The following USP49 variants were observed in gnomAD, a reference collection of about 807,000 sequenced individuals.
USP49 encodes ubiquitin carboxyl-terminal hydrolase 49.
Under a neutral mutation model 58.6 loss-of-function variants are expected in USP49, and 24 were observed. That is an observed-to-expected ratio of 0.41 (90% CI 0.30 to 0.58). The LOEUF (loss-of-function observed/expected upper bound fraction) is 0.58. Ranked by LOEUF, USP49 falls within the 20% of genes least tolerant of loss-of-function variation. The pLI is 0.30. For missense variants in USP49, 703 were observed against 866.1 expected (o/e 0.81, Z 2.36); for synonymous variants, 408 against 365.1 (o/e 1.12, Z -1.34).
In USP49 at chr6:41,866,223, A is replaced by G. The variant is rs988800511; in HGVS notation, c.-29+5341T>C. Among the ~76,000 whole-genome samples the G allele has an allele frequency of 7.2e-4, 110 of 151,838 alleles. 1 individual carries two copies. The highest frequency in any genetic ancestry group is 2.6e-3 in the African/African-American group (107 of 41,352). On this transcript the variant is annotated intron_variant, in intron 3 of 7. Transcript: ENST00000682992. ...CGTTAGCCACTGCACCCGGCCCTGC[A>G]TGGTGCCTTTTTTAATAATCGAAAT...
intron 2 of USP49, among the ~76,000 whole-genome samples, chr6:41,890,540 T>C (rs78342582): frequency 6.6e-6 from 1 of 152,028 alleles, no homozygotes; most frequent in African/African-American, 2.4e-5. Context: ...TGGTGAAACC[T>C]TGTCTCTACA....
In USP49 at chr6:41,800,063, G is replaced by A. The variant is rs1488360109; in HGVS notation, c.1562-125C>T. The stretch of plus-strand genomic sequence containing the variant: ...CTCAGTATCTGAACCTCAATTTTTT[G>A]GGGGGCGCAATGTGACACTCTTTAT... On this transcript the variant is annotated intron_variant, in intron 5 of 7. Transcript: ENST00000682992. 3 of 789,008 alleles carry A rather than the reference G, an allele frequency of 3.8e-6. No individual in the cohort carries two copies. In the East Asian group the frequency reaches 7.9e-5, roughly 21 times the overall value. The allele number at this position is 789,008 out of a possible 1,614,324, so 48.9% of individuals were successfully genotyped here. A position where few individuals can be genotyped will look rare whatever the true frequency, so the allele number is the denominator to read the frequency against.
chr6:41,845,842 T>C (rs1773913317), intron 3 of USP49, among the ~76,000 whole-genome samples: 2 of 152,208 alleles, frequency 1.3e-5, no homozygotes, highest in African/African-American at 2.4e-5. Flanking sequence ...TTTGATCTTT[T>C]GAGATTTTAA....
intron 3 of USP49, among the ~76,000 whole-genome samples, chr6:41,830,827 GA>G (rs199727732): frequency 1.8e-3 from 255 of 141,448 alleles, no homozygotes; most frequent in African/African-American, 5.7e-3. Context: ...CGTCTCAAGA[GA>G]AAAAAAAAAA....
intron 3 of USP49, among the ~76,000 whole-genome samples, chr6:41,836,019 T>G (rs1328379424): frequency 6.6e-6 from 1 of 151,122 alleles, no homozygotes; most frequent in African/African-American, 2.4e-5. Flanking sequence ...TCCAGGCTGT[T>G]GTGAGTTATG....
In USP49 at chr6:41,799,946, G is replaced by A. The variant is rs377351713; in HGVS notation, c.1562-8C>T. 20 of 1,613,404 alleles carry A rather than the reference G, an allele frequency of 1.2e-5. No individual in the cohort carries two copies. The highest frequency in any genetic ancestry group is 1.2e-4 in the African/African-American group (9 of 75,036). On this transcript the variant is annotated splice_polypyrimidine_tract_variant and splice_region_variant and intron_variant, in intron 5 of 7. Transcript: ENST00000682992. Reference sequence around the variant, plus strand: ...TGGATTTTCGTCGTTTGCCTATGTGGTTTGGGAAGGTATAAGACATAGGTT... The same window carrying A: ...TGGATTTTCGTCGTTTGCCTATGTGATTTGGGAAGGTATAAGACATAGGTT...
chr6:41,892,121 T>C (rs893919234), intron 1 of USP49, among the ~76,000 whole-genome samples: 3 of 152,180 alleles, frequency 2.0e-5, no homozygotes, highest in African/African-American at 4.8e-5. Context: ...GAAATAACCA[T>C]TGACAATGAG....
intron 3 of USP49, among the ~76,000 whole-genome samples, chr6:41,853,207 G>T (rs1488247312): frequency 1.3e-5 from 2 of 152,210 alleles, no homozygotes; most frequent in South Asian, 2.1e-4. Context: ...AGCTGGGGGG[G>T]AGAATTTTGA....
rs1561902624 is a variant in USP49, at chr6:41,802,452, A to ATTT, written c.1561+1351_1561+1353dup. On this transcript the variant is annotated intron_variant, in intron 5 of 7. Coordinates refer to ENST00000682992, the MANE Select transcript of USP49 (RefSeq NM_001286554.2). ...ATTTTATTTATTTATTTATTTATTT[A>ATTT]TTTATTTATTTATTTATTTTTTATT... is the stretch of plus-strand genomic sequence containing the variant. Among the ~76,000 whole-genome samples the ATTT allele has an allele frequency of 5.0e-4, 32 of 63,804 alleles. 4 individuals carry two copies. The highest frequency in any genetic ancestry group is 6.4e-4 in the Non-Finnish European group (22 of 34,508). 41.9% of individuals were successfully genotyped at this position (63,804 alleles called of 152,430 possible).
Position 41,806,261 on chromosome 6 carries a change from C to G in USP49, c.723G>C (p.Lys241Asn), listed in dbSNP as rs1347304057. 6.2e-7 allele frequency: 1 copy of G among 1,607,024 alleles called. No homozygotes were observed. The highest frequency in any genetic ancestry group is 2.2e-5 in the East Asian group (1 of 44,870). The change falls in exon 4 of 8, where the codon AAG (lysine) becomes AAC (asparagine). Residue 241 changes from lysine (K) to asparagine (N), a missense_variant. Around this residue, in one of 6 missense-constraint regions of USP49, gnomAD observed 376 missense variants for 373.5 expected, o/e 1.01. Coordinates refer to ENST00000682992, the MANE Select transcript of USP49 (RefSeq NM_001286554.2). The surrounding 1 kb of genome is among the most constrained non-coding windows in gnomAD (Gnocchi z 5.9). ...TSRRVPAATLKLRRQPAMAPG... is the reference protein window; with the variant it reads ...TSRRVPAATLNLRRQPAMAPG... ...GGGCCATGGCCGGCTGGCGACGCAG[C>G]TTGAGTGTGGCGGCGGGCACTCTGC...
chr6:41,834,422 T>C (rs765881939), intron 3 of USP49, among the ~76,000 whole-genome samples: 39 of 152,200 alleles, frequency 2.6e-4, no homozygotes, highest in Non-Finnish European at 5.9e-5. Flanking sequence ...CGATTTTATA[T>C]ATGAGGATCT....
chr6:41,876,503 G>GC (rs1774507325), intron 2 of USP49, among the ~76,000 whole-genome samples: 5 of 151,904 alleles, frequency 3.3e-5, no homozygotes. Flanking sequence ...TGCAACCTGC[G>GC]CCTCCTGGGT....
At chr6:41,867,587 C>CAAAAA (rs766568260) in intron 3 of USP49, among the ~76,000 whole-genome samples, 1 of 71,224 alleles carries the variant, frequency 1.4e-5, no homozygotes, top group African/African-American at 6.4e-5. Context: ...ACTAAAAATA[C>CAAAAA]AAAAAAAAAA....
chr6:41,875,026 A>G (rs1774479561), intron 2 of USP49, among the ~76,000 whole-genome samples: 1 of 152,102 alleles, frequency 6.6e-6, no homozygotes, highest in Admixed American at 6.6e-5. Flanking sequence ...CAAACACCAA[A>G]AACTAACTTC....
intron 3 of USP49, among the ~76,000 whole-genome samples, chr6:41,820,331 T>C (rs980139378): frequency 2.9e-4 from 44 of 152,234 alleles, no homozygotes; most frequent in African/African-American, 9.9e-4. Flanking sequence ...CCCCTAAAAG[T>C]TACCTTGTGC....
At chr6:41,883,521 G>A (rs1349026521) in intron 2 of USP49, among the ~76,000 whole-genome samples, 3 of 151,188 alleles carry the variant, frequency 2.0e-5, no homozygotes, top group Non-Finnish European at 4.4e-5. Context: ...GGTGGTACAC[G>A]CCTGTAATCC....
At chr6:41,883,108 T>C (rs1198070852) in intron 2 of USP49, among the ~76,000 whole-genome samples, 1 of 151,920 alleles carries the variant, frequency 6.6e-6, no homozygotes, top group Non-Finnish European at 1.5e-5. Flanking sequence ...CTAACTAGTA[T>C]ATGAAGAAAT....
intron 4 of USP49, among the ~76,000 whole-genome samples, chr6:41,804,751 GTTTTTTGGTT>G (rs1399549013): frequency 6.6e-6 from 1 of 151,714 alleles, no homozygotes; most frequent in East Asian, 1.9e-4. Flanking sequence ...TTTTTTGTTT[GTTTTTTGGTT>G]TTTTTTGAGA....
chr6:41,805,322 G>T (rs969361384), intron 4 of USP49, among the ~76,000 whole-genome samples: 4 of 151,942 alleles, frequency 2.6e-5, no homozygotes, highest in Admixed American at 2.6e-4. Context: ...ACCAACAATG[G>T]GTACTTAATT....
Sources: gnomAD v4.1 joint callset for allele counts (sites outside exome capture counted in the v4.1 genomes callset) on GRCh38, gnomAD v4.1.1 for gene constraint, gnomAD v4.1.1 regional missense constraint, Gnocchi (gnomAD v3.1) non-coding constraint, MANE v1.5 for transcripts, NCBI Gene and HGNC (gene_info 2026-07-23, HGNC 2026-07-21) for gene names.